The following RANBP6 variants were observed in gnomAD, a reference collection of about 807,000 sequenced individuals.
RANBP6 encodes the protein RAN binding protein 6.
In RANBP6, 10 loss-of-function variants were observed where a neutral mutation model predicts 35.3. The ratio of observed to expected loss-of-function variants is 0.28; its 90% CI spans 0.17 to 0.48. RANBP6 has a LOEUF of 0.48. Among genes scored for constraint, RANBP6 ranks in the 20% least tolerant of loss-of-function variants. The pLI is 0.99. For missense variants in RANBP6, 1,392 were observed against 1,307.7 expected (o/e 1.06, Z -0.99); for synonymous variants, 514 against 464.2 (o/e 1.11, Z -1.38).
rs140606775 is a variant in RANBP6, at chr9:6,015,131, T to C, written c.477A>G (p.Ala159=). 6 of 1,613,958 alleles carry C rather than the reference T, an allele frequency of 3.7e-6. No homozygotes were observed. The highest frequency in any genetic ancestry group is 1.6e-4 in the Middle Eastern group (1 of 6,084). Residue 159 remains alanine, a synonymous_variant, in exon 1 of 1, where the codon GCA becomes GCG. Coordinates refer to ENST00000259569, the MANE Select transcript of RANBP6 (RefSeq NM_012416.4). ...CAGGAAAGTGCCAGAAAACGTGAAG[T>C]GCAACTTCCCATAGAACCACATTTT... ...YSKNVVLWEV[A]LHVFWHFPGI...
Position 6,012,548 on chromosome 9 carries a change from A to G in RANBP6, c.3060T>C (p.Thr1020=). The G allele has an allele frequency of 1.2e-6, 2 of 1,613,516 alleles. No individual in the cohort carries two copies. Among genetic ancestry groups the G allele is most frequent in the Non-Finnish European group, 1.7e-6 (2 of 1,179,832 alleles). Residue 1020 remains threonine (T), a synonymous_variant, in exon 1 of 1, where the codon ACT becomes ACC. Coordinates refer to ENST00000259569, the MANE Select transcript of RANBP6 (RefSeq NM_012416.4). The stretch of plus-strand genomic sequence containing the variant: ...CAATTAGGTCACAGAGAAAACTCAA[A>G]GTCTGAATAGCTTCCTCTTTATCTT... ...LHEDKEEAIQ[T]LSFLCDLIES...
rs777545173 is a variant in RANBP6, at chr9:6,015,554, C to G, written c.54G>C (p.Glu18Asp). Residue 18 changes from glutamate (E) to aspartate (D), a missense_variant, in exon 1 of 1, where the codon GAG (glutamate) becomes GAC (aspartate). By Grantham distance (45) the Glu-to-Asp change is conservative. Transcript: ENST00000259569. ...GVPATVSEKQ[E>D]FYQLLKNLIN... ...TCAGGTTCTTCAGAAGCTGGTAAAA[C>G]TCTTGCTTTTCTGACACGGTCGCCG... 2.2e-5 allele frequency: 36 copies of G among 1,609,808 alleles called. No homozygotes were observed. The highest frequency in any genetic ancestry group is 3.1e-5 in the Non-Finnish European group (36 of 1,179,800).
chr9:6,012,275 T>G lies in RANBP6; in HGVS notation c.*15A>C. 6.7e-7 allele frequency: 1 copy of G among 1,489,200 alleles called. No individual in the cohort carries two copies. Among genetic ancestry groups the G allele is most frequent in the Non-Finnish European group, 9.0e-7 (1 of 1,110,188 alleles). 92.2% of individuals were successfully genotyped at this position (1,489,200 alleles called of 1,614,324 possible). A position where few individuals can be genotyped will look rare whatever the true frequency, so the allele number is the denominator to read the frequency against. On this transcript the variant is annotated 3_prime_UTR_variant, in exon 1 of 1. Coordinates refer to ENST00000259569, the MANE Select transcript of RANBP6 (RefSeq NM_012416.4). ...ACTTTTATAATAGATAATATTCAAG[T>G]TATATTAAAGTGCTTCAAGCAAAAT...
In RANBP6 at chr9:6,012,588, C is replaced by T. The variant is rs1043191740; in HGVS notation, c.3020G>A (p.Trp1007Ter). 1 of 1,613,916 alleles carries T rather than the reference C, an allele frequency of 6.2e-7. No homozygotes were observed. Among genetic ancestry groups the T allele is most frequent in the Non-Finnish European group, 8.5e-7 (1 of 1,180,006 alleles). ...CTCTTTATCTTCATGCAGTGGAAGC[C>T]ATGATAACCAGTGTGGAAGAACTTC... ...VDEVLPHWLS[W>*]LPLHEDKEEA... The change falls in exon 1 of 1, where the codon TGG becomes TAG. Residue 1007 changes from tryptophan to a stop codon, truncating the protein, a stop_gained. Transcript: ENST00000259569. LOFTEE classifies it high-confidence loss of function.
chr9:6,015,576 G>A lies in RANBP6; in HGVS notation c.32C>T (p.Ala11Val), dbSNP rs138588521. The A allele has an allele frequency of 1.1e-5, 18 of 1,603,100 alleles. No individual in the cohort carries two copies. The highest frequency in any genetic ancestry group is 4.4e-5 in the South Asian group (4 of 90,870). Reference sequence around the variant, plus strand: ...AAACTCTTGCTTTTCTGACACGGTCGCCGGCACCCCTGCAGACGCGGTTGC... The same window carrying A: ...AAACTCTTGCTTTTCTGACACGGTCACCGGCACCCCTGCAGACGCGGTTGC... The part of the protein sequence containing the change: MAATASAGVP[A>V]TVSEKQEFYQ... Residue 11 changes from alanine (A) to valine (V), a missense_variant, in exon 1 of 1, where the codon GCG (alanine) becomes GTG (valine). By Grantham distance (64) the Ala-to-Val change is moderately conservative. Coordinates refer to ENST00000259569, the MANE Select transcript of RANBP6 (RefSeq NM_012416.4).
Position 6,013,847 on chromosome 9 carries a change from AT to A in RANBP6, c.1760del (p.Asn587MetfsTer2). The A allele has an allele frequency of 1.9e-6, 3 of 1,614,036 alleles. No individual in the cohort carries two copies. Among genetic ancestry groups the A allele is most frequent in the Non-Finnish European group, 2.5e-6 (3 of 1,180,008 alleles). On this transcript the variant is annotated frameshift_variant, in exon 1 of 1. Transcript: ENST00000259569. LOFTEE classifies it low-confidence loss of function (END_TRUNC). ...GTGTCTTCAACAACAGCTGCATCAC[AT>A]TTGATGCATCTTGCATAAATTTTTC... ...GKEKFMQDASNVMQLLLKTQS... is the reference protein window; with the variant it reads ...GKEKFMQDASXVMQLLLKTQS...
rs1157216563 is a variant in RANBP6 at position 6,013,131 on chromosome 9, T to C, written c.2477A>G (p.Glu826Gly). 1.2e-6 allele frequency: 2 copies of C among 1,614,146 alleles called. No individual in the cohort carries two copies. The highest frequency in any genetic ancestry group is 1.7e-5 in the Admixed American group (1 of 60,028). Residue 826 changes from glutamate to glycine, a missense_variant, in exon 1 of 1, where the codon GAA becomes GGA. Coordinates refer to ENST00000259569, the MANE Select transcript of RANBP6 (RefSeq NM_012416.4). ...QELRQVKRQE[E>G]NYDQQVEMSL... Reference sequence around the variant, plus strand: ...CATCTCAACCTGTTGATCATAGTTTTCTTCCTGTCTTTTCACCTGTCTCAA... The same window carrying C: ...CATCTCAACCTGTTGATCATAGTTTCCTTCCTGTCTTTTCACCTGTCTCAA...
chr9:6,012,178 TA>T lies in RANBP6; in HGVS notation c.*111del. On this transcript the variant is annotated 3_prime_UTR_variant, in exon 1 of 1. Transcript: ENST00000259569. ...TCTGGAGAAACATGGAGAAGAACTA[TA>T]AACTGCTTAGCAGGGAGAAAACAGT... 1 of 801,704 alleles carries T rather than the reference TA, an allele frequency of 1.2e-6. No homozygotes were observed. The allele number at this position is 801,704 out of a possible 1,614,324, so 49.7% of individuals were successfully genotyped here. A position where few individuals can be genotyped will look rare whatever the true frequency, so the allele number is the denominator to read the frequency against.
rs746269404 is a variant in RANBP6, at chr9:6,015,175, T to G, written c.433A>C (p.Ile145Leu). The G allele has an allele frequency of 8.7e-6, 14 of 1,614,158 alleles. No individual in the cohort carries two copies. Among genetic ancestry groups the G allele is most frequent in the Non-Finnish European group, 1.0e-5 (12 of 1,180,044 alleles). The change falls in exon 1 of 1, where the codon ATT (isoleucine) becomes CTT (leucine). Residue 145 changes from isoleucine (I) to leucine (L), a missense_variant. Ile to Leu is a conservative substitution (Grantham distance 5, BLOSUM62 2). Coordinates refer to ENST00000259569, the MANE Select transcript of RANBP6 (RefSeq NM_012416.4). ...NHWPEGLKFL[I>L]DSIYSKNVVL... ...ACATTTTTGGAGTAGATTGAATCAA[T>G]AAGAAACTTCAGACCTTCCGGCCAG...
At position 6,014,815 on chromosome 9, in the gene RANBP6, C is replaced by T; in HGVS notation, c.793G>A (p.Asp265Asn). The change falls in exon 1 of 1, where the codon GAT (aspartate) becomes AAT (asparagine). Residue 265 changes from aspartate (D) to asparagine (N), a missense_variant. Coordinates refer to ENST00000259569, the MANE Select transcript of RANBP6 (RefSeq NM_012416.4). ...VPKYLGPYLE[D>N]TLQLSLKLCG... Reference sequence around the variant, plus strand: ...AACTTCAAACTCAACTGTAGAGTATCTTCTAAATAAGGACCCAAGTACTTA... The same window carrying T: ...AACTTCAAACTCAACTGTAGAGTATTTTCTAAATAAGGACCCAAGTACTTA... 1 of 1,614,166 alleles carries T rather than the reference C, an allele frequency of 6.2e-7. No individual in the cohort carries two copies. Among genetic ancestry groups the T allele is most frequent in the Non-Finnish European group, 8.5e-7 (1 of 1,180,036 alleles).
At position 6,015,401 on chromosome 9, in the gene RANBP6, C is replaced by T. The variant is rs140521084; in HGVS notation, c.207G>A (p.Met69Ile). 5.0e-6 allele frequency: 8 copies of T among 1,614,194 alleles called. No homozygotes were observed. Among genetic ancestry groups the T allele is most frequent in the Non-Finnish European group, 6.8e-6 (8 of 1,180,042 alleles). Residue 69 changes from methionine (M) to isoleucine (I), a missense_variant, in exon 1 of 1, where the codon ATG becomes ATA. By Grantham distance (10) the Met-to-Ile change is conservative. Coordinates refer to ENST00000259569, the MANE Select transcript of RANBP6 (RefSeq NM_012416.4). Reference sequence around the variant, plus strand: ...AAAGCCGTCGTAGCAGTGCGGCAGCCATTTGTCTCACCTCATAACCTGCTC... The same window carrying T: ...AAAGCCGTCGTAGCAGTGCGGCAGCTATTTGTCTCACCTCATAACCTGCTC... ...NRRAGYEVRQ[M>I]AAALLRRLLS...
chr9:6,011,184 T>C lies in RANBP6; in HGVS notation c.*1106A>G, dbSNP rs1015667728. ...AATCGTTAGCTGAGTAGAAAGCTCT[T>C]TTCTACCCTACAATAAGCTCGACAT... On this transcript the variant is annotated 3_prime_UTR_variant, in exon 1 of 1. Coordinates refer to ENST00000259569, the MANE Select transcript of RANBP6 (RefSeq NM_012416.4). 1.3e-5 allele frequency: 2 copies of C among 152,206 alleles called. No homozygotes were observed. The highest frequency in any genetic ancestry group is 2.9e-5 in the Non-Finnish European group (2 of 68,032). 9.4% of individuals were successfully genotyped at this position (152,206 alleles called of 1,614,324 possible).
chr9:6,015,307 G>C lies in RANBP6; in HGVS notation c.301C>G (p.Leu101Val), dbSNP rs555096862. The C allele has an allele frequency of 7.4e-6, 12 of 1,614,210 alleles. No individual in the cohort carries two copies. In the South Asian group the frequency reaches 1.1e-4, roughly 15 times the overall value. Reference sequence around the variant, plus strand: ...GTTTCTAACTTAACAGCCAGAATCAGTTCAATCTTGACATCTCTCTGAACA... The same window carrying C: ...GTTTCTAACTTAACAGCCAGAATCACTTCAATCTTGACATCTCTCTGAACA... ...ADVQRDVKIE[L>V]ILAVKLETHA... Residue 101 changes from leucine (L) to valine (V), a missense_variant, in exon 1 of 1, where the codon CTG becomes GTG. Coordinates refer to ENST00000259569, the MANE Select transcript of RANBP6 (RefSeq NM_012416.4).
chr9:6,014,235 A>G lies in RANBP6; in HGVS notation c.1373T>C (p.Met458Thr). The G allele has an allele frequency of 6.2e-7, 1 of 1,613,714 alleles. No individual in the cohort carries two copies. The highest frequency in any genetic ancestry group is 1.7e-5 in the Admixed American group (1 of 59,938). ...CACACGCTGATTACCTTGATTTTCC[A>G]TGGTACGTAACAGAGCTGCAATCAC... Reference protein sequence around the residue: ...ETVIAALLRTMENQGNQRVQS... With the variant: ...ETVIAALLRTTENQGNQRVQS... The change falls in exon 1 of 1, where the codon ATG becomes ACG. Residue 458 changes from methionine to threonine, a missense_variant. Met to Thr is a moderately conservative substitution (Grantham distance 81, BLOSUM62 -1). Transcript: ENST00000259569.
At position 6,014,610 on chromosome 9, in the gene RANBP6, T is replaced by C; in HGVS notation, c.998A>G (p.Asp333Gly). 6.2e-7 allele frequency: 1 copy of C among 1,614,204 alleles called. No individual in the cohort carries two copies. Among genetic ancestry groups the C allele is most frequent in the Non-Finnish European group, 8.5e-7 (1 of 1,180,034 alleles). Residue 333 changes from aspartate (D) to glycine (G), a missense_variant, in exon 1 of 1, where the codon GAT becomes GGT. Transcript: ENST00000259569. ...LQDDEDWVNA[D>G]EMEEDDFDSN... ...GTCAAAATCATCTTCTTCCATTTCA[T>C]CAGCATTTACCCAGTCCTCATCATC...
Position 6,015,074 on chromosome 9 carries a change from C to A in RANBP6, c.534G>T (p.Leu178Phe). The stretch of plus-strand genomic sequence containing the variant: ...GGTCCAACAACCGTTTGATGATATC[C>A]AAATCATGCCGCTCTTGGGTCCCAA... ...GIFGTQERHD[L>F]DIIKRLLDQC... The change falls in exon 1 of 1, where the codon TTG becomes TTT. Residue 178 changes from leucine (L) to phenylalanine (F), a missense_variant. Physicochemically the swap from Leu to Phe is conservative, Grantham distance 22. Transcript: ENST00000259569. 1 of 1,614,106 alleles carries A rather than the reference C, an allele frequency of 6.2e-7. No homozygotes were observed. The highest frequency in any genetic ancestry group is 8.5e-7 in the Non-Finnish European group (1 of 1,180,042).
Position 6,015,102 on chromosome 9 carries a change from A to G in RANBP6, c.506T>C (p.Ile169Thr), listed in dbSNP as rs1842550616. The G allele has an allele frequency of 1.2e-6, 2 of 1,614,038 alleles. No individual in the cohort carries two copies. The highest frequency in any genetic ancestry group is 1.3e-5 in the African/African-American group (1 of 74,922). The change falls in exon 1 of 1, where the codon ATT becomes ACT. Residue 169 changes from isoleucine to threonine, a missense_variant. By Grantham distance (89) the Ile-to-Thr change is moderately conservative. Transcript: ENST00000259569. ...ATCATGCCGCTCTTGGGTCCCAAAA[A>G]TCCCAGGAAAGTGCCAGAAAACGTG... Reference protein sequence around the residue: ...ALHVFWHFPGIFGTQERHDLD... With the variant: ...ALHVFWHFPGTFGTQERHDLD...
chr9:6,014,054 T>C lies in RANBP6; in HGVS notation c.1554A>G (p.Glu518=). 3.1e-6 allele frequency: 5 copies of C among 1,613,796 alleles called. No homozygotes were observed. The highest frequency in any genetic ancestry group is 1.1e-5 in the South Asian group (1 of 90,972). ...CTGATGCAATGGTTGTCACAAGTTG[T>C]TCCAAAGCCAACTTAGTTCCATTCC... ...LIRNGTKLAL[E]QLVTTIASVA... The change falls in exon 1 of 1, where the codon GAA becomes GAG. Residue 518 remains glutamate, a synonymous_variant. Transcript: ENST00000259569.
rs1563989494 is a variant in RANBP6 at position 6,013,872 on chromosome 9, T to C, written c.1736A>G (p.Glu579Gly). ...ISHIGLAVGK[E>G]KFMQDASNVM... Reference sequence around the variant, plus strand: ...ATTTGATGCATCTTGCATAAATTTTTCCTTCCCAACAGCAAGACCAATATG... The same window carrying C: ...ATTTGATGCATCTTGCATAAATTTTCCCTTCCCAACAGCAAGACCAATATG... Residue 579 changes from glutamate (E) to glycine (G), a missense_variant, in exon 1 of 1, where the codon GAA (glutamate) becomes GGA (glycine). By Grantham distance (98) the Glu-to-Gly change is moderately conservative (BLOSUM62 -2). Transcript: ENST00000259569. The C allele has an allele frequency of 3.7e-6, 6 of 1,613,968 alleles. No homozygotes were observed. Among genetic ancestry groups the C allele is most frequent in the Middle Eastern group, 1.7e-4 (1 of 6,060 alleles).
Sources: allele counts gnomAD v4.1 joint callset, GRCh38; gene constraint gnomAD v4.1.1; transcripts MANE v1.5; gene names NCBI Gene and HGNC (gene_info 2026-07-23, HGNC 2026-07-21).